Variants in AUTS2 observed in about 807,000 individuals in gnomAD.
AUTS2 encodes activator of transcription and developmental regulator AUTS2.
Under a neutral mutation model 112.4 loss-of-function variants are expected in AUTS2, and 17 were observed. The ratio of observed to expected loss-of-function variants is 0.15; its 90% CI spans 0.10 to 0.23. The LOEUF (loss-of-function observed/expected upper bound fraction) is 0.23, where lower values mean the gene tolerates loss of function less well. AUTS2 is among the 10% of genes least tolerant of loss of function. AUTS2 has a pLI of 1.00. For missense variants in AUTS2, 1,510 were observed against 1,701.6 expected, an observed-to-expected ratio of 0.89 and a Z score of 1.98; for synonymous variants, 751 against 702.7, an observed-to-expected ratio of 1.07 and a Z score of -1.09.
intron 3 of AUTS2, chr7:70,118,648 C>G (rs1744778150): frequency 6.5e-6 from 1 of 153,124 alleles, no homozygotes; most frequent in Non-Finnish European, 1.5e-5. Flanking sequence ...CGTGGCAGTG[C>G]ATGCCTGTAA....
chr7:70,497,272 A>AC (rs1181087855), intron 5 of AUTS2, among the ~76,000 whole-genome samples: 5 of 142,580 alleles, frequency 3.5e-5, no homozygotes, highest in African/African-American at 5.3e-5. Flanking sequence ...ACACACACAC[A>AC]CCCCCCACAC....
chr7:69,862,242 T>G (rs1311281035), intron 1 of AUTS2, among the ~76,000 whole-genome samples: 1 of 152,160 alleles, frequency 6.6e-6, no homozygotes, highest in Non-Finnish European at 1.5e-5. Context: ...AAATCATGAC[T>G]CATGCAGATA....
rs1328614311 is a variant in AUTS2 at position 70,787,351 on chromosome 7, C to T, written c.2451C>T (p.Arg817=). ...PPWLKPGELE[R]SASAAAHDRD... is the part of the protein sequence containing the mutation. ...GGCTGAAGCCAGGGGAGCTGGAGCG[C>T]AGCGCGTCCGCTGCAGCTCATGACA... is the stretch of plus-strand genomic sequence containing the variant. Residue 817 remains arginine (R), a synonymous_variant, in exon 18 of 19, where the codon CGC becomes CGT. Coordinates refer to ENST00000342771, the MANE Select transcript of AUTS2 (RefSeq NM_015570.4). The T allele has an allele frequency of 1.2e-6, 2 of 1,614,074 alleles. No homozygotes were observed. Among genetic ancestry groups the T allele is most frequent in the Non-Finnish European group, 1.7e-6 (2 of 1,179,920 alleles).
chr7:70,490,068 T>C (rs1798173570), intron 5 of AUTS2, among the ~76,000 whole-genome samples: 1 of 151,932 alleles, frequency 6.6e-6, no homozygotes, highest in Non-Finnish European at 1.5e-5. Flanking sequence ...AATGCTTGTA[T>C]TAGAATAGAG....
chr7:70,461,252 T>C (rs1796950647), intron 5 of AUTS2, among the ~76,000 whole-genome samples: 1 of 152,192 alleles, frequency 6.6e-6, no homozygotes, highest in Non-Finnish European at 1.5e-5. Flanking sequence ...TCACAGCTCA[T>C]CAGTGCCTGG....
intron 4 of AUTS2, among the ~76,000 whole-genome samples, chr7:70,276,705 T>G (rs1787945973): frequency 6.6e-6 from 1 of 152,112 alleles, no homozygotes; most frequent in Admixed American, 6.5e-5. Flanking sequence ...TCATATAATA[T>G]TATAAGTATT....
intron 2 of AUTS2, among the ~76,000 whole-genome samples, chr7:69,915,186 T>A (rs754749066): frequency 6.6e-6 from 1 of 152,348 alleles, no homozygotes; most frequent in East Asian, 1.9e-4. Flanking sequence ...AGAGAGGGAA[T>A]ACCTTCAGAG....
At chr7:70,530,300 T>A (rs1442610262) in intron 5 of AUTS2, among the ~76,000 whole-genome samples, 1 of 152,182 alleles carries the variant, frequency 6.6e-6, no homozygotes, top group African/African-American at 2.4e-5. Context: ...AAGTTAACTG[T>A]ATGAAGTAAA....
chr7:70,303,445 C>CAT (rs1164530048), intron 4 of AUTS2, among the ~76,000 whole-genome samples: 1 of 150,690 alleles, frequency 6.6e-6, no homozygotes, highest in Non-Finnish European at 1.5e-5. Flanking sequence ...CACATACACA[C>CAT]ACACACACAC....
chr7:70,099,343 A>G (rs1162474028), intron 2 of AUTS2, among the ~76,000 whole-genome samples: 1 of 152,174 alleles, frequency 6.6e-6, no homozygotes, highest in Non-Finnish European at 1.5e-5. Flanking sequence ...CTTGGATGAA[A>G]TGTCAGCGTA....
At chr7:70,622,546 C>T (rs2129536917) in intron 5 of AUTS2, among the ~76,000 whole-genome samples, 1 of 152,302 alleles carries the variant, frequency 6.6e-6, no homozygotes, top group South Asian at 2.1e-4. Context: ...GATCACTGGG[C>T]TTCTATTCCA....
At chr7:70,763,407 C>CGG in intron 7 of AUTS2, 66 bp downstream of exon 7, 1 of 1,189,528 alleles carries the variant, frequency 8.4e-7, no homozygotes, top group Non-Finnish European at 1.2e-6. Context: ...GGGTGGGAGT[C>CGG]GGGGAGGGAT....
At position 69,666,817 on chromosome 7, in the gene AUTS2, G is replaced by A. The variant is rs184064800; in HGVS notation, c.309+66855G>A. Among the ~76,000 whole-genome samples, 516 of 152,178 alleles carry A rather than the reference G, an allele frequency of 3.4e-3. 3 individuals carry two copies. Among genetic ancestry groups the A allele is most frequent in the Middle Eastern group, 0.02 (6 of 294 alleles). ...GTCGGGAGGCTGAGGTGGGAGGATC[G>A]CTTGAGCCCAGCATATTGAGGCTGC... On this transcript the variant is annotated intron_variant, in intron 1 of 18. Coordinates refer to ENST00000342771, the MANE Select transcript of AUTS2 (RefSeq NM_015570.4).
At chr7:70,733,406 A>T (rs559029139) in intron 6 of AUTS2, among the ~76,000 whole-genome samples, 1 of 152,236 alleles carries the variant, frequency 6.6e-6, no homozygotes. Flanking sequence ...AAAATCGAAG[A>T]TGCCAATTGT....
chr7:69,885,432 G>A (rs1020085627), intron 1 of AUTS2, among the ~76,000 whole-genome samples: 19 of 152,290 alleles, frequency 1.2e-4, no homozygotes, highest in African/African-American at 4.6e-4. Flanking sequence ...TTCAGAAGGA[G>A]TTCGGCTATT....
intron 5 of AUTS2, among the ~76,000 whole-genome samples, chr7:70,621,838 CTTTTTTTTTTTTTTT>C (rs67123941): frequency 7.5e-5 from 5 of 66,788 alleles, no homozygotes; most frequent in Non-Finnish European, 1.0e-4. Flanking sequence ...TAGTCATTCT[CTTTTTTTTTTTTTTT>C]TTTTTTTTTT....
chr7:70,295,531 T>G (rs1788894643), intron 4 of AUTS2, among the ~76,000 whole-genome samples: 1 of 152,204 alleles, frequency 6.6e-6, no homozygotes, highest in Non-Finnish European at 1.5e-5. Flanking sequence ...CTCTTAGTTT[T>G]CATCCTGAAT....
intron 5 of AUTS2, among the ~76,000 whole-genome samples, chr7:70,671,892 T>C (rs1192852002): frequency 6.6e-6 from 1 of 152,018 alleles, no homozygotes; most frequent in Non-Finnish European, 1.5e-5. Context: ...AGACACTAGA[T>C]TGGAAGAAGA....
At chr7:70,375,991 A>G (rs1268840055) in intron 4 of AUTS2, among the ~76,000 whole-genome samples, 1 of 151,914 alleles carries the variant, frequency 6.6e-6, no homozygotes, top group East Asian at 1.9e-4. Flanking sequence ...GGGAGGTGAG[A>G]ACGGAGGAGT....
Sources: allele counts gnomAD v4.1 joint callset (sites outside exome capture counted in the v4.1 genomes callset), GRCh38; gene constraint gnomAD v4.1.1; transcripts MANE v1.5; gene names NCBI Gene and HGNC (gene_info 2026-07-23, HGNC 2026-07-21).